ATXN1: variants seen among roughly 807,000 people sequenced by gnomAD.
The protein encoded by ATXN1 is ataxin-1.
A neutral mutation model predicts 56.4 loss-of-function variants in ATXN1; 8 were observed. That is an observed-to-expected ratio of 0.14 (90% confidence interval 0.08 to 0.26). The LOEUF (loss-of-function observed/expected upper bound fraction) is 0.26, where lower values mean the gene tolerates loss of function less well. ATXN1 is among the 10% of genes least tolerant of loss of function. ATXN1 has a pLI of 1.00. For synonymous variants in ATXN1, 514 were observed against 494.6 expected (o/e 1.04, Z -0.52); for missense variants, 987 against 1,106.5 (o/e 0.89, Z 1.53).
In ATXN1 at chr6:16,326,383, G is replaced by C; in HGVS notation, c.1917+11C>G. On this transcript the variant is annotated intron_variant, in intron 7 of 7. Coordinates refer to ENST00000436367, the MANE Select transcript of ATXN1 (RefSeq NM_001128164.2). This position sits in a 1 kb window ranked among gnomAD's most constrained non-coding sequence, Gnocchi z 6.6. ...GGTGTCCCATCCCTGTGCCACCCTG[G>C]CTAACGTTACCTGGGCTCGGTGCTC... 6.2e-7 allele frequency: 1 copy of C among 1,611,622 alleles called. No individual in the cohort carries two copies. The highest frequency in any genetic ancestry group is 1.3e-5 in the African/African-American group (1 of 75,002).
intron 6 of ATXN1, among the ~76,000 whole-genome samples, chr6:16,383,070 G>C (rs1015899591): frequency 6.6e-6 from 1 of 152,064 alleles, no homozygotes; most frequent in Non-Finnish European, 1.5e-5. Flanking sequence ...TATAATGGCT[G>C]TTCTTATGTT....
At chr6:16,662,117 A>T (rs1272585388) in intron 2 of ATXN1, among the ~76,000 whole-genome samples, 1 of 152,188 alleles carries the variant, frequency 6.6e-6, no homozygotes, top group Non-Finnish European at 1.5e-5. Context: ...AAGTTAAATC[A>T]CCTGTTCAAC....
At chr6:16,435,167 G>T (rs1759363615) in intron 6 of ATXN1, among the ~76,000 whole-genome samples, 3 of 152,160 alleles carry the variant, frequency 2.0e-5, no homozygotes, top group Admixed American at 1.3e-4. Flanking sequence ...TTGGTGGGAT[G>T]GTGATTGTTA....
chr6:16,343,216 G>C (rs945492682), intron 6 of ATXN1, among the ~76,000 whole-genome samples: 1 of 152,064 alleles, frequency 6.6e-6, no homozygotes. Context: ...GTGGTGGTGG[G>C]CACGTGTAGT....
At chr6:16,590,966 C>T (rs1762711885) in intron 3 of ATXN1, among the ~76,000 whole-genome samples, 1 of 152,014 alleles carries the variant, frequency 6.6e-6, no homozygotes, top group Admixed American at 6.5e-5. Context: ...CCTCAGCCTC[C>T]TGAGTAGCTG....
intron 6 of ATXN1, among the ~76,000 whole-genome samples, chr6:16,413,383 G>T (rs2113554616): frequency 6.6e-6 from 1 of 152,114 alleles, no homozygotes; most frequent in Non-Finnish European, 1.5e-5. Flanking sequence ...TGTGCATTTG[G>T]AAGAAGATGC....
At chr6:16,462,219 T>C (rs190520604) in intron 6 of ATXN1, among the ~76,000 whole-genome samples, 2 of 152,196 alleles carry the variant, frequency 1.3e-5, no homozygotes, top group African/African-American at 4.8e-5. Context: ...CCCACTGCAG[T>C]TAAGGTGGCA....
At chr6:16,584,367 TA>T (rs551552631) in intron 4 of ATXN1, among the ~76,000 whole-genome samples, 20 of 151,552 alleles carry the variant, frequency 1.3e-4, no homozygotes, top group African/African-American at 4.4e-4. Context: ...ACATATCTAA[TA>T]AAATTTTTTT....
At chr6:16,703,145 G>A (rs563810951) in intron 2 of ATXN1, among the ~76,000 whole-genome samples, 1 of 152,050 alleles carries the variant, frequency 6.6e-6, no homozygotes, top group Non-Finnish European at 1.5e-5. Flanking sequence ...GGAATACTAT[G>A]CAGCCATAAA....
Position 16,354,795 on chromosome 6 carries a change from T to G in ATXN1, c.-160-26325A>C, listed in dbSNP as rs145500846. Among the ~76,000 whole-genome samples the G allele has an allele frequency of 4.0e-4, 61 of 152,336 alleles. 1 individual carries two copies. Among genetic ancestry groups the G allele is most frequent in the Non-Finnish European group, 4.7e-4 (32 of 68,024 alleles). On this transcript the variant is annotated intron_variant, in intron 6 of 7. Coordinates refer to ENST00000436367, the MANE Select transcript of ATXN1 (RefSeq NM_001128164.2). ...TCTGGGTTGTTCTTCTGATTTGTGA[T>G]GGGTACAAGAAATATTCATCACAAA...
At chr6:16,429,211 A>G (rs929549585) in intron 6 of ATXN1, among the ~76,000 whole-genome samples, 3 of 151,782 alleles carry the variant, frequency 2.0e-5, no homozygotes, top group Non-Finnish European at 2.9e-5. Context: ...CTAAATTTAA[A>G]TTCTCTGCCC....
At chr6:16,440,649 A>AAAAAAAAAAAAAAAAAAAAAAAAAAAAG (rs56105499) in intron 6 of ATXN1, among the ~76,000 whole-genome samples, 12 of 113,648 alleles carry the variant, frequency 1.1e-4, no homozygotes, top group African/African-American at 4.4e-4. Flanking sequence ...TTAAAAAAAA[A>AAAAAAAAAAAAAAAAAAAAAAAAAAAAG]AAAGAAAAGA....
At chr6:16,413,826 C>T (rs1758850085) in intron 6 of ATXN1, among the ~76,000 whole-genome samples, 1 of 152,070 alleles carries the variant, frequency 6.6e-6, no homozygotes, top group African/African-American at 2.4e-5. Flanking sequence ...AGCCTGAAGA[C>T]AAAATTTCCT....
At chr6:16,481,609 G>C (rs981355385) in intron 6 of ATXN1, among the ~76,000 whole-genome samples, 2 of 152,054 alleles carry the variant, frequency 1.3e-5, no homozygotes, top group Admixed American at 6.6e-5. Flanking sequence ...CTTTATTATT[G>C]CTGTCCTCAA....
intron 7 of ATXN1, among the ~76,000 whole-genome samples, chr6:16,324,692 A>T (rs1165680093): frequency 6.6e-6 from 1 of 152,196 alleles, no homozygotes; most frequent in African/African-American, 2.4e-5. Context: ...ACTCCCAGCA[A>T]CTTGGGCAGT....
At chr6:16,549,158 T>C (rs1433915063) in intron 4 of ATXN1, among the ~76,000 whole-genome samples, 1 of 152,142 alleles carries the variant, frequency 6.6e-6, no homozygotes, top group African/African-American at 2.4e-5. Context: ...AGTTAACTTT[T>C]TTTTTTTTAA....
At chr6:16,445,065 G>A (rs551524625) in intron 6 of ATXN1, among the ~76,000 whole-genome samples, 104 of 152,242 alleles carry the variant, frequency 6.8e-4, no homozygotes, top group Non-Finnish European at 9.7e-4. Context: ...AGGTGATACC[G>A]AGTAGTGTAA....
At chr6:16,587,675 G>A (rs1050998552) in intron 3 of ATXN1, among the ~76,000 whole-genome samples, 2 of 152,052 alleles carry the variant, frequency 1.3e-5, no homozygotes, top group Non-Finnish European at 2.9e-5. Flanking sequence ...GCTCATGCCT[G>A]TAAATCCAGC....
At chr6:16,684,171 T>C (rs755396011) in intron 2 of ATXN1, among the ~76,000 whole-genome samples, 19 of 152,190 alleles carry the variant, frequency 1.2e-4, no homozygotes, top group Non-Finnish European at 2.6e-4. Context: ...TTTGGAAAGA[T>C]CTTAGACTTG....
Sources: gnomAD v4.1 joint callset for allele counts (sites outside exome capture counted in the v4.1 genomes callset) on GRCh38, gnomAD v4.1.1 for gene constraint, Gnocchi (gnomAD v3.1) non-coding constraint, MANE v1.5 for transcripts, NCBI Gene and HGNC (gene_info 2026-07-23, HGNC 2026-07-21) for gene names.